The following GRXCR1 variants were observed in gnomAD, a reference collection of about 807,000 sequenced individuals.
GRXCR1 encodes glutaredoxin domain-containing cysteine-rich protein 1.
A neutral mutation model predicts 27.3 loss-of-function variants in GRXCR1; 27 were observed. The ratio of observed to expected loss-of-function variants is 0.99; its 90% CI spans 0.73 to 1.37. GRXCR1 has a LOEUF of 1.37. GRXCR1 is among the 40% of genes most tolerant of loss of function. The pLI is 0.00. For synonymous variants in GRXCR1, 122 were observed against 131.1 expected, an observed-to-expected ratio of 0.93 and a Z score of 0.47; for missense variants, 379 against 354.4, an observed-to-expected ratio of 1.07 and a Z score of -0.56.
At chr4:43,022,754 G>A (rs374105046) in intron 3 of GRXCR1, among the ~76,000 whole-genome samples, 18 of 152,118 alleles carry the variant, frequency 1.2e-4, no homozygotes, top group African/African-American at 4.1e-4. Flanking sequence ...ACAAAATACA[G>A]ATCCAAACCG....
intron 1 of GRXCR1, among the ~76,000 whole-genome samples, chr4:42,956,159 G>A (rs763269859): frequency 2.0e-5 from 3 of 152,092 alleles, no homozygotes; most frequent in Non-Finnish European, 2.9e-5. Context: ...ATGTGCTGCA[G>A]GTTGTTGTAA....
intron 1 of GRXCR1, among the ~76,000 whole-genome samples, chr4:42,927,663 C>T (rs1437846792): frequency 1.3e-5 from 2 of 151,558 alleles, no homozygotes; most frequent in Admixed American, 6.6e-5. Flanking sequence ...AAAGAAAGAA[C>T]TGCAAGAAAA....
intron 1 of GRXCR1, among the ~76,000 whole-genome samples, chr4:42,947,810 A>G (rs996216429): frequency 3.3e-5 from 5 of 152,188 alleles, no homozygotes; most frequent in African/African-American, 1.2e-4. Context: ...TTTAGTTTGA[A>G]TATACAATCA....
At chr4:42,972,812 G>T (rs1025818951) in intron 2 of GRXCR1, among the ~76,000 whole-genome samples, 5 of 152,064 alleles carry the variant, frequency 3.3e-5, no homozygotes, top group African/African-American at 9.7e-5. Context: ...TTTAAAAGTT[G>T]AGGACTCAAA....
intron 2 of GRXCR1, among the ~76,000 whole-genome samples, chr4:42,970,544 C>G (rs375889174): frequency 3.3e-5 from 5 of 152,292 alleles, no homozygotes; most frequent in African/African-American, 1.2e-4. Context: ...CTTGCACCCT[C>G]TGAAGCCATG....
chr4:42,948,660 A>G lies in GRXCR1; in HGVS notation c.385-14232A>G, dbSNP rs1168296306. On this transcript the variant is annotated intron_variant, in intron 1 of 3. Coordinates refer to ENST00000399770, the MANE Select transcript of GRXCR1 (RefSeq NM_001080476.3). ...CTCCTAATCCCTGGAACCTGTGAAT[A>G]TGTTAATTTACAGTTAAGGAGACTT... Among the ~76,000 whole-genome samples, 7 of 151,960 alleles carry G rather than the reference A, an allele frequency of 4.6e-5. No homozygotes were observed. In the East Asian group the frequency reaches 1.2e-3, roughly 25 times the overall value.
chr4:42,913,631 A>G (rs1746814123), intron 1 of GRXCR1, among the ~76,000 whole-genome samples: 1 of 152,188 alleles, frequency 6.6e-6, no homozygotes, highest in Non-Finnish European at 1.5e-5. Flanking sequence ...CTGGGGAGCA[A>G]TTCAAGCCTT....
At chr4:42,991,771 T>C (rs1168601014) in intron 2 of GRXCR1, among the ~76,000 whole-genome samples, 2 of 152,156 alleles carry the variant, frequency 1.3e-5, no homozygotes, top group African/African-American at 2.4e-5. Flanking sequence ...CTGTGATTTA[T>C]GCAGTTAAAA....
chr4:42,909,875 T>C (rs1746680442), intron 1 of GRXCR1, among the ~76,000 whole-genome samples: 1 of 151,964 alleles, frequency 6.6e-6, no homozygotes. Flanking sequence ...AAGACTTGTG[T>C]AGGGTAGGAG....
intron 2 of GRXCR1, among the ~76,000 whole-genome samples, chr4:42,975,572 A>G (rs192046197): frequency 1.7e-4 from 26 of 152,236 alleles, no homozygotes; most frequent in Non-Finnish European, 1.2e-4. Flanking sequence ...ATATGTAATT[A>G]TCAGGCTGGA....
intron 2 of GRXCR1, among the ~76,000 whole-genome samples, chr4:42,976,236 C>G (rs1209560672): frequency 1.3e-5 from 2 of 151,970 alleles, no homozygotes; most frequent in African/African-American, 4.8e-5. Context: ...GACCTGGTCA[C>G]AGTTAAATGA....
chr4:43,019,686 GTT>G (rs1038545977), intron 2 of GRXCR1, among the ~76,000 whole-genome samples: 2 of 152,152 alleles, frequency 1.3e-5, no homozygotes, highest in Non-Finnish European at 2.9e-5. Context: ...TCATAGTAAT[GTT>G]TTAGAAGTTA....
chr4:42,954,922 G>A (rs1321075589), intron 1 of GRXCR1, among the ~76,000 whole-genome samples: 1 of 152,144 alleles, frequency 6.6e-6, no homozygotes, highest in Non-Finnish European at 1.5e-5. Context: ...TGAGAGCAAG[G>A]TGGGCAGAGA....
chr4:42,910,214 C>T (rs915959089), intron 1 of GRXCR1, among the ~76,000 whole-genome samples: 3 of 152,130 alleles, frequency 2.0e-5, no homozygotes, highest in African/African-American at 7.2e-5. Context: ...GATCCAATCA[C>T]CTCCCATCAG....
chr4:42,920,891 C>T (rs1364941336), intron 1 of GRXCR1, among the ~76,000 whole-genome samples: 1 of 151,158 alleles, frequency 6.6e-6, no homozygotes, highest in African/African-American at 2.4e-5. Flanking sequence ...TACATTATTC[C>T]CAGTCTACTT....
chr4:42,893,422 A>G lies in GRXCR1; in HGVS notation c.156A>G (p.Ile52Met), dbSNP rs749637202. Residue 52 changes from isoleucine to methionine, a missense_variant, in exon 1 of 4, where the codon ATA (isoleucine) becomes ATG (methionine). Ile to Met is a conservative substitution (Grantham distance 10). Coordinates refer to ENST00000399770, the MANE Select transcript of GRXCR1 (RefSeq NM_001080476.3). ...LDSECASICG[I>M]DGLGDSDGQQ... ...CTGAATGTGCCAGTATCTGTGGGAT[A>G]GATGGACTAGGTGATTCCGATGGAC... 1.9e-6 allele frequency: 3 copies of G among 1,613,904 alleles called. No individual in the cohort carries two copies. The Admixed American group carries it at 5.0e-5, about 27-fold the overall frequency.
intron 2 of GRXCR1, among the ~76,000 whole-genome samples, chr4:43,006,766 C>T (rs1712571523): frequency 6.6e-6 from 1 of 152,206 alleles, no homozygotes; most frequent in South Asian, 2.1e-4. Context: ...CTGTGACCCA[C>T]ACCTATTCAC....
At chr4:42,999,837 C>T (rs545305462) in intron 2 of GRXCR1, among the ~76,000 whole-genome samples, 11 of 152,296 alleles carry the variant, frequency 7.2e-5, no homozygotes, top group African/African-American at 1.9e-4. Flanking sequence ...TTGTATGCAT[C>T]GGTAAAAGAC....
chr4:43,003,514 G>T (rs1028109180), intron 2 of GRXCR1, among the ~76,000 whole-genome samples: 3 of 152,090 alleles, frequency 2.0e-5, no homozygotes, highest in African/African-American at 7.3e-5. Flanking sequence ...GAATGGTTGT[G>T]ATCAAAATGC....
Sources: allele counts gnomAD v4.1 joint callset (sites outside exome capture counted in the v4.1 genomes callset), GRCh38; gene constraint gnomAD v4.1.1; transcripts MANE v1.5; gene names NCBI Gene and HGNC (gene_info 2026-07-23, HGNC 2026-07-21).